The following PPM1H variants were observed in gnomAD, a reference collection of about 807,000 sequenced individuals.
PPM1H encodes the protein protein phosphatase, Mg2+/Mn2+ dependent 1H, also known as protein phosphatase 1H.
In PPM1H, 27 loss-of-function variants were observed where a neutral mutation model predicts 54.9. The observed-to-expected ratio is 0.49, with a 90% confidence interval of 0.36 to 0.68. The LOEUF (loss-of-function observed/expected upper bound fraction) is 0.68, where lower values mean the gene tolerates loss of function less well. Among genes scored for constraint, PPM1H ranks in the 30% least tolerant of loss-of-function variants. The pLI is 0.00. For missense variants in PPM1H, 596 were observed against 667.8 expected (o/e 0.89, Z 1.19); for synonymous variants, 305 against 270.8 (o/e 1.13, Z -1.24).
intron 4 of PPM1H, among the ~76,000 whole-genome samples, chr12:62,757,910 T>C (rs73127959): frequency 0.15 from 23,337 of 152,198 alleles, 2,126 homozygotes; most frequent in African/African-American, 0.26. Flanking sequence ...GAAAAGCAGA[T>C]GGAGGCTTCC....
chr12:62,817,482 A>G (rs2076878195), intron 2 of PPM1H, among the ~76,000 whole-genome samples: 1 of 150,970 alleles, frequency 6.6e-6, no homozygotes, highest in African/African-American at 2.5e-5. Context: ...AAACAAACAA[A>G]CAAAAAAAAA....
intron 1 of PPM1H, among the ~76,000 whole-genome samples, chr12:62,904,184 C>A (rs1871241129): frequency 6.6e-6 from 1 of 152,000 alleles, no homozygotes; most frequent in East Asian, 1.9e-4. Flanking sequence ...AAAAAGTAAT[C>A]TAGTAACAAA....
chr12:62,686,036 C>G (rs1279380654), intron 8 of PPM1H, among the ~76,000 whole-genome samples: 1 of 152,206 alleles, frequency 6.6e-6, no homozygotes, highest in Non-Finnish European at 1.5e-5. Flanking sequence ...CAGAGGTTGA[C>G]AGTTTCATTC....
chr12:62,731,536 C>T (rs968609159), intron 5 of PPM1H, among the ~76,000 whole-genome samples: 5 of 152,100 alleles, frequency 3.3e-5, no homozygotes, highest in Admixed American at 3.3e-4. Flanking sequence ...CCAAGCAGCA[C>T]CAGGGAAACA....
chr12:62,712,748 T>C (rs1401101138), intron 6 of PPM1H, among the ~76,000 whole-genome samples: 3 of 152,122 alleles, frequency 2.0e-5, no homozygotes, highest in Non-Finnish European at 2.9e-5. Context: ...GGCCAACACA[T>C]AAATTTGGGC....
At chr12:62,865,130 A>G (rs1869729283) in intron 1 of PPM1H, among the ~76,000 whole-genome samples, 3 of 152,202 alleles carry the variant, frequency 2.0e-5, no homozygotes, top group African/African-American at 7.2e-5. Flanking sequence ...TTAAGAGTGA[A>G]GACTATGTCT....
At chr12:62,790,413 T>TA (rs1456144889) in intron 3 of PPM1H, among the ~76,000 whole-genome samples, 1 of 151,984 alleles carries the variant, frequency 6.6e-6, no homozygotes, top group Non-Finnish European at 1.5e-5. Context: ...CCCATCTCTA[T>TA]AAAAAATAAT....
At chr12:62,821,795 C>A (rs1468117228) in intron 2 of PPM1H, among the ~76,000 whole-genome samples, 2 of 152,188 alleles carry the variant, frequency 1.3e-5, no homozygotes, top group Non-Finnish European at 2.9e-5. Context: ...TGGTACCAGC[C>A]ACTGCAAAAA....
In PPM1H at chr12:62,760,840, T is replaced by C. The variant is rs145574650; in HGVS notation, c.870-23254A>G. Reference sequence around the variant, plus strand: ...GAGTAAATGGCCAAATGACCTAGACTAGCTCTGAAGGGTAAGCACTGAGTC... The same window carrying C: ...GAGTAAATGGCCAAATGACCTAGACCAGCTCTGAAGGGTAAGCACTGAGTC... On this transcript the variant is annotated intron_variant, in intron 4 of 9. Transcript: ENST00000228705. 2.5e-3 allele frequency among the ~76,000 whole-genome samples: 387 copies of C among 152,346 alleles called. 2 individuals are homozygous for C. Among genetic ancestry groups the C allele is most frequent in the South Asian group, 0.01 (50 of 4,832 alleles).
chr12:62,648,370 G>A lies in PPM1H; in HGVS notation c.*119C>T, dbSNP rs962319400. 3.0e-5 allele frequency: 40 copies of A among 1,316,702 alleles called. No homozygotes were observed. The Admixed American group carries it at 4.5e-4, about 15-fold the overall frequency. 81.6% of individuals were successfully genotyped at this position (1,316,702 alleles called of 1,614,324 possible). On this transcript the variant is annotated 3_prime_UTR_variant, in exon 10 of 10. Coordinates refer to ENST00000228705, the MANE Select transcript of PPM1H (RefSeq NM_020700.2). ...ATAGTCTTTTGGCCATGAACTCCCC[G>A]CTTGGGCTGGGAAGAGACTGCATCA...
intron 8 of PPM1H, among the ~76,000 whole-genome samples, chr12:62,688,938 G>A (rs1338818157): frequency 6.6e-6 from 1 of 152,212 alleles, no homozygotes; most frequent in Non-Finnish European, 1.5e-5. Context: ...AGAAGTTGCA[G>A]TTAGCCGATA....
At chr12:62,804,686 T>C (rs2076794912) in intron 2 of PPM1H, among the ~76,000 whole-genome samples, 1 of 143,986 alleles carries the variant, frequency 6.9e-6, no homozygotes, top group East Asian at 1.9e-4. Flanking sequence ...CTTTTTTTTT[T>C]TTTTTTTGAG....
intron 2 of PPM1H, among the ~76,000 whole-genome samples, chr12:62,827,039 C>T (rs1172486887): frequency 1.3e-5 from 2 of 152,206 alleles, no homozygotes; most frequent in Non-Finnish European, 2.9e-5. Context: ...TTCTGTGTCA[C>T]CTAAGCCACT....
chr12:62,801,474 T>C (rs2076768957), intron 3 of PPM1H, among the ~76,000 whole-genome samples: 2 of 152,140 alleles, frequency 1.3e-5, no homozygotes, highest in South Asian at 2.1e-4. Flanking sequence ...ACGGCCATCA[T>C]GCCCGGCTAA....
intron 3 of PPM1H, among the ~76,000 whole-genome samples, chr12:62,790,523 G>C (rs1565789335): frequency 6.6e-6 from 1 of 152,214 alleles, no homozygotes; most frequent in Non-Finnish European, 1.5e-5. Flanking sequence ...AGTAAGCCAT[G>C]ATCATGCCAC....
chr12:62,932,627 G>GTTTTTTTTT (rs1229452777), intron 1 of PPM1H, among the ~76,000 whole-genome samples: 12 of 22,532 alleles, frequency 5.3e-4, no homozygotes, highest in Non-Finnish European at 7.1e-4. Flanking sequence ...GTCCAAATGG[G>GTTTTTTTTT]CTTTTTTTTT....
intron 6 of PPM1H, among the ~76,000 whole-genome samples, chr12:62,697,158 G>A (rs1382114257): frequency 6.8e-6 from 1 of 148,144 alleles, no homozygotes; most frequent in South Asian, 2.1e-4. Flanking sequence ...ACAGAGTCTC[G>A]CTCTGTTGAC....
At chr12:62,778,556 C>T (rs117989934) in intron 4 of PPM1H, among the ~76,000 whole-genome samples, 3,178 of 152,174 alleles carry the variant, frequency 0.021, 46 homozygotes, top group Non-Finnish European at 0.033. Context: ...CCTAGGTCCT[C>T]GAGTGCCTGA....
chr12:62,855,493 A>G (rs746487484), intron 1 of PPM1H, among the ~76,000 whole-genome samples: 15 of 152,160 alleles, frequency 9.9e-5, no homozygotes, highest in Non-Finnish European at 2.2e-4. Flanking sequence ...GATTTTGAAC[A>G]CTGCGGTGCC....
Sources: gnomAD v4.1 joint callset for allele counts (sites outside exome capture counted in the v4.1 genomes callset) on GRCh38, gnomAD v4.1.1 for gene constraint, MANE v1.5 for transcripts, NCBI Gene and HGNC (gene_info 2026-07-23, HGNC 2026-07-21) for gene names.